KIF5C: variants seen among roughly 807,000 people sequenced by gnomAD.
KIF5C encodes the protein kinesin heavy chain isoform 5C.
KIF5C carries 18 observed loss-of-function variants against 125.2 expected under a neutral mutation model. That is an observed-to-expected ratio of 0.14 (90% CI 0.10 to 0.21). The LOEUF (loss-of-function observed/expected upper bound fraction) is 0.21, where lower values mean the gene tolerates loss of function less well. Ranked by LOEUF, KIF5C falls within the 10% of genes least tolerant of loss-of-function variation. The pLI is 1.00. For synonymous variants in KIF5C, 405 were observed against 434.0 expected (o/e 0.93, Z 0.83); for missense variants, 780 against 1,183.8 (o/e 0.66, Z 5.01).
At chr2:148,934,539 C>T (rs554001426) in intron 3 of KIF5C, among the ~76,000 whole-genome samples, 49 of 148,216 alleles carry the variant, frequency 3.3e-4, no homozygotes, top group African/African-American at 1.1e-3. Flanking sequence ...ATATCACACA[C>T]ACAACACACA....
intron 15 of KIF5C, among the ~76,000 whole-genome samples, chr2:148,989,292 C>G (rs1681461428): frequency 6.6e-6 from 1 of 151,750 alleles, no homozygotes; most frequent in Admixed American, 6.6e-5. Flanking sequence ...GCTCCGAATG[C>G]CACTATTCCA....
At chr2:148,987,066 C>T (rs1208870835) in intron 15 of KIF5C, among the ~76,000 whole-genome samples, 1 of 152,146 alleles carries the variant, frequency 6.6e-6, no homozygotes, top group Non-Finnish European at 1.5e-5. Flanking sequence ...GGTGGCCACT[C>T]TTACAGGTTG....
chr2:148,933,454 C>G (rs1390461062), intron 3 of KIF5C, among the ~76,000 whole-genome samples: 5 of 151,726 alleles, frequency 3.3e-5, no homozygotes, highest in Admixed American at 6.6e-5. Context: ...TTCCACCCCC[C>G]CCACATACAT....
Position 148,974,758 on chromosome 2 carries a change from T to A in KIF5C, c.1293+1247T>A, listed in dbSNP as rs10180931. Among the ~76,000 whole-genome samples, 1,460 of 152,276 alleles carry A rather than the reference T, an allele frequency of 9.6e-3. 30 individuals are homozygous for A. Among genetic ancestry groups the A allele is most frequent in the African/African-American group, 0.034 (1,408 of 41,544 alleles). On this transcript the variant is annotated intron_variant, in intron 12 of 25. Coordinates refer to ENST00000435030, the MANE Select transcript of KIF5C (RefSeq NM_004522.3). ...GTAAAGAAGATTAGACCATATGCAT[T>A]TTTTTTCCTCATTTTAGAACCAATG...
Position 149,011,702 on chromosome 2 carries a change from G to T in KIF5C, c.*7+19G>T. 6.2e-7 allele frequency: 1 copy of T among 1,613,902 alleles called. No individual in the cohort carries two copies. The highest frequency in any genetic ancestry group is 8.5e-7 in the Non-Finnish European group (1 of 1,179,856). ...ATACAAAGTGAGTCCCATGTCAAGG[G>T]TGGTTTCTCTATCTGGAGGCAGAGG... On this transcript the variant is annotated intron_variant, in intron 25 of 25. Transcript: ENST00000435030.
At chr2:148,917,357 A>G (rs1553462005) in intron 1 of KIF5C, among the ~76,000 whole-genome samples, 1 of 152,174 alleles carries the variant, frequency 6.6e-6, no homozygotes, top group Non-Finnish European at 1.5e-5. Flanking sequence ...TTTTCTGGCA[A>G]ATCATAAGCT....
At chr2:148,962,183 T>G in intron 11 of KIF5C, 64 bp downstream of exon 11, 1 of 1,490,492 alleles carries the variant, frequency 6.7e-7, no homozygotes, top group East Asian at 2.5e-5. Flanking sequence ...TTATTTTTTT[T>G]GAGACAGAGT....
intron 19 of KIF5C, 77 bp from the exon 20 acceptor site, chr2:149,000,346 C>G (rs1345971539): frequency 4.0e-6 from 6 of 1,514,828 alleles, no homozygotes; most frequent in African/African-American, 2.8e-5. Context: ...AGGGTTGGAA[C>G]AGAACCACGG....
chr2:148,978,476 G>T (rs76632684), intron 12 of KIF5C, among the ~76,000 whole-genome samples: 2 of 151,366 alleles, frequency 1.3e-5, no homozygotes, highest in African/African-American at 4.9e-5. Context: ...TCTCCCTGCC[G>T]ATCTGGTGGC....
intron 18 of KIF5C, 95 bp downstream of exon 18, chr2:148,997,435 C>T (rs754621793): frequency 1.3e-5 from 21 of 1,578,734 alleles, no homozygotes; most frequent in Admixed American, 9.1e-5. Context: ...CCTTCAGATC[C>T]GTATATGGCA....
chr2:148,897,370 GC>G (rs35168723), intron 1 of KIF5C, among the ~76,000 whole-genome samples: 1,851 of 152,154 alleles, frequency 0.012, 35 homozygotes, highest in African/African-American at 0.043. Context: ...AGTTATTATA[GC>G]TTCCTTTCAA....
chr2:148,936,485 CATT>C (rs1682294625), intron 3 of KIF5C, among the ~76,000 whole-genome samples: 1 of 152,166 alleles, frequency 6.6e-6, no homozygotes, highest in Admixed American at 6.5e-5. Context: ...TGGAAGTCTT[CATT>C]AGGAGTTGCT....
intron 10 of KIF5C, among the ~76,000 whole-genome samples, chr2:148,955,676 T>G (rs914375539): frequency 6.6e-6 from 1 of 152,138 alleles, no homozygotes; most frequent in Non-Finnish European, 1.5e-5. Flanking sequence ...TCATCTGTCT[T>G]TATCTTTCTC....
intron 1 of KIF5C, among the ~76,000 whole-genome samples, chr2:148,892,200 C>G (rs935942554): frequency 3.9e-5 from 6 of 152,164 alleles, no homozygotes; most frequent in African/African-American, 1.4e-4. Context: ...TTGGTTCATA[C>G]CAGGAATTGA....
Position 148,941,606 on chromosome 2 carries a change from C to G in KIF5C, c.397-4C>G. 6.4e-7 allele frequency: 1 copy of G among 1,557,120 alleles called. No individual in the cohort carries two copies. Among genetic ancestry groups the G allele is most frequent in the Non-Finnish European group, 8.7e-7 (1 of 1,148,910 alleles). On this transcript the variant is annotated splice_region_variant and splice_polypyrimidine_tract_variant and intron_variant, in intron 4 of 25. Coordinates refer to ENST00000435030, the MANE Select transcript of KIF5C (RefSeq NM_004522.3). ...TATTCCAAGCTCAATTTGTTTTTAA[C>G]TAGGTTTCCTATTTTGAGATCTACT...
chr2:148,965,903 G>A (rs756439578), intron 11 of KIF5C, among the ~76,000 whole-genome samples: 123 of 152,236 alleles, frequency 8.1e-4, no homozygotes, highest in Admixed American at 2.3e-3. Flanking sequence ...CAAAAAAAGG[G>A]GCACTGGAAG....
intron 11 of KIF5C, among the ~76,000 whole-genome samples, chr2:148,968,686 G>C (rs948193228): frequency 6.6e-6 from 1 of 152,056 alleles, no homozygotes; most frequent in South Asian, 2.1e-4. Flanking sequence ...GGGATTAGAG[G>C]ATGTTTTAAG....
intron 18 of KIF5C, 121 bp from the exon 19 acceptor site, chr2:148,998,279 A>C (rs1333606511): frequency 6.9e-7 from 1 of 1,452,272 alleles, no homozygotes; most frequent in Non-Finnish European, 9.2e-7. Flanking sequence ...AAATGCCCCC[A>C]GTTTTGGGAT....
intron 21 of KIF5C, 75 bp from the exon 22 acceptor site, chr2:149,005,318 G>A: frequency 6.4e-7 from 1 of 1,566,948 alleles, no homozygotes; most frequent in Non-Finnish European, 8.7e-7. Flanking sequence ...AGTGTCGGGG[G>A]AATGATCTGG....
Sources: gnomAD v4.1 joint callset for allele counts (sites outside exome capture counted in the v4.1 genomes callset) on GRCh38, gnomAD v4.1.1 for gene constraint, MANE v1.5 for transcripts, NCBI Gene and HGNC (gene_info 2026-07-23, HGNC 2026-07-21) for gene names.